Variants in RNF152 observed in about 807,000 individuals in gnomAD.
RNF152 encodes the protein E3 ubiquitin-protein ligase RNF152.
Under a neutral mutation model 12.7 loss-of-function variants are expected in RNF152, and 11 were observed. That is an observed-to-expected ratio of 0.86 (90% CI 0.54 to 1.43). The LOEUF (loss-of-function observed/expected upper bound fraction) is 1.43. RNF152 is among the 40% of genes most tolerant of loss of function. The pLI, the probability that RNF152 is intolerant of heterozygous loss-of-function variation, is 0.00. For missense variants in RNF152, 255 were observed against 274.8 expected, an observed-to-expected ratio of 0.93 and a Z score of 0.51; for synonymous variants, 113 against 120.3, an observed-to-expected ratio of 0.94 and a Z score of 0.40.
chr18:61,823,104 C>T lies in RNF152; in HGVS notation c.-135-6506G>A, dbSNP rs531808087. Among the ~76,000 whole-genome samples the T allele has an allele frequency of 8.5e-5, 13 of 152,338 alleles. No individual in the cohort carries two copies. The South Asian group carries it at 2.3e-3, about 27-fold the overall frequency. On this transcript the variant is annotated intron_variant, in intron 1 of 1. Transcript: ENST00000312828. ...GTAGCAAAGAGCAATCCTTCCAGGA[C>T]ACAACTGCTGCATACATGCGTAGTC...
At position 61,809,815 on chromosome 18, in the gene RNF152, G is replaced by A. The variant is rs532122629; in HGVS notation, c.*6037C>T. The A allele has an allele frequency of 2.7e-5, 4 of 148,260 alleles. No individual in the cohort carries two copies. The Admixed American group carries it at 2.7e-4, about 10-fold the overall frequency. The allele number at this position is 148,260 out of a possible 1,614,324, so 9.2% of individuals were successfully genotyped here. A position where few individuals can be genotyped will look rare whatever the true frequency, so the allele number is the denominator to read the frequency against. The stretch of plus-strand genomic sequence containing the variant: ...GTATTTCAAGCACCACTACATCATA[G>A]GTGAGATATATATAGTGGGATACCC... On this transcript the variant is annotated 3_prime_UTR_variant, in exon 2 of 2. Coordinates refer to ENST00000312828, the MANE Select transcript of RNF152 (RefSeq NM_173557.3).
intron 1 of RNF152, among the ~76,000 whole-genome samples, chr18:61,830,485 G>T (rs906689550): frequency 5.3e-5 from 8 of 152,150 alleles, no homozygotes; most frequent in African/African-American, 1.9e-4. Context: ...TACACTATTT[G>T]TCCTTCAACC....
chr18:61,853,480 T>A (rs965383249), intron 1 of RNF152, among the ~76,000 whole-genome samples: 3 of 152,014 alleles, frequency 2.0e-5, no homozygotes, highest in Admixed American at 1.3e-4. Context: ...TTAGTAGAGA[T>A]GGGGTTTCAC....
At chr18:61,860,405 T>C (rs148802224) in intron 1 of RNF152, among the ~76,000 whole-genome samples, 55 of 152,312 alleles carry the variant, frequency 3.6e-4, no homozygotes, top group African/African-American at 1.3e-3. Flanking sequence ...ACAGATCACA[T>C]AGAAGATGCT....
intron 1 of RNF152, among the ~76,000 whole-genome samples, chr18:61,875,482 T>C (rs1040295602): frequency 2.0e-5 from 3 of 152,154 alleles, no homozygotes; most frequent in Non-Finnish European, 4.4e-5. Context: ...GACCTATGCC[T>C]TTACATGGTC....
upstream of RNF152, chr18:61,893,819 G>A (rs910902351): frequency 6.6e-6 from 1 of 152,082 alleles, no homozygotes; most frequent in Admixed American, 6.5e-5. Flanking sequence ...AGCTCCAGGG[G>A]GCATCCGAGG....
intron 1 of RNF152, among the ~76,000 whole-genome samples, chr18:61,839,334 G>C (rs895700264): frequency 1.3e-5 from 2 of 152,260 alleles, no homozygotes; most frequent in South Asian, 2.1e-4. Context: ...AAAGTCCCTA[G>C]TCTTTCCTTG....
At chr18:61,859,701 A>C (rs528249210) in intron 1 of RNF152, among the ~76,000 whole-genome samples, 3 of 152,310 alleles carry the variant, frequency 2.0e-5, no homozygotes, top group East Asian at 3.9e-4. Context: ...CAACATGGCG[A>C]AATCCCATCT....
At chr18:61,878,722 C>T (rs530544278) in intron 1 of RNF152, among the ~76,000 whole-genome samples, 4 of 152,246 alleles carry the variant, frequency 2.6e-5, no homozygotes, top group South Asian at 2.1e-4. Flanking sequence ...ATTGTTGTGT[C>T]CTCACGTGGC....
intron 1 of RNF152, among the ~76,000 whole-genome samples, chr18:61,848,247 T>A (rs1910822626): frequency 6.6e-6 from 1 of 151,982 alleles, no homozygotes; most frequent in African/African-American, 2.4e-5. Flanking sequence ...TCTCTCCCTC[T>A]CCCTCTCTCT....
At chr18:61,855,711 C>A (rs999479940) in intron 1 of RNF152, among the ~76,000 whole-genome samples, 59 of 152,216 alleles carry the variant, frequency 3.9e-4, no homozygotes, top group Non-Finnish European at 7.9e-4. Flanking sequence ...CATCACTCCA[C>A]GTCTGGCTCG....
intron 1 of RNF152, among the ~76,000 whole-genome samples, chr18:61,847,544 C>G (rs1268567671): frequency 6.6e-6 from 1 of 152,234 alleles, no homozygotes; most frequent in Non-Finnish European, 1.5e-5. Context: ...TAGGCTTACT[C>G]TCAAAATCAC....
intron 1 of RNF152, among the ~76,000 whole-genome samples, chr18:61,846,731 G>T (rs1307541823): frequency 6.6e-6 from 1 of 152,178 alleles, no homozygotes; most frequent in Non-Finnish European, 1.5e-5. Context: ...ATTTAGGAAA[G>T]AAGCACCAGA....
rs185208592 is a variant in RNF152 at position 61,851,961 on chromosome 18, T to C, written c.-135-35363A>G. On this transcript the variant is annotated intron_variant, in intron 1 of 1. Transcript: ENST00000312828. Reference sequence around the variant, plus strand: ...AGTACCTTGTGGCTCATTAAAATAATTTTATCTATAATATCCTCCCTATGA... The same window carrying C: ...AGTACCTTGTGGCTCATTAAAATAACTTTATCTATAATATCCTCCCTATGA... Among the ~76,000 whole-genome samples the C allele has an allele frequency of 1.0e-3, 158 of 152,306 alleles. 1 individual carries two copies. Among genetic ancestry groups the C allele is most frequent in the African/African-American group, 3.5e-3 (146 of 41,564 alleles).
Position 61,830,296 on chromosome 18 carries a change from G to A in RNF152, c.-135-13698C>T, listed in dbSNP as rs538057459. ...CCACCTCGTCCTCCCAAAGTGCTGGGATTACAGGCATGAGCCACAGTGCCC... is the reference window on the plus strand; with the variant it reads ...CCACCTCGTCCTCCCAAAGTGCTGGAATTACAGGCATGAGCCACAGTGCCC... On this transcript the variant is annotated intron_variant, in intron 1 of 1. Transcript: ENST00000312828. Among the ~76,000 whole-genome samples, 114 of 152,186 alleles carry A rather than the reference G, an allele frequency of 7.5e-4. 1 individual carries two copies. Among genetic ancestry groups the A allele is most frequent in the African/African-American group, 2.5e-3 (102 of 41,532 alleles).
At chr18:61,824,659 C>T (rs555067338) in intron 1 of RNF152, among the ~76,000 whole-genome samples, 2 of 152,248 alleles carry the variant, frequency 1.3e-5, no homozygotes, top group South Asian at 4.1e-4. Context: ...AGTAGCCTTC[C>T]CAGATGAAGA....
rs183963495 is a variant in RNF152, at chr18:61,847,151, C to T, written c.-135-30553G>A. 2.6e-3 allele frequency among the ~76,000 whole-genome samples: 388 copies of T among 152,048 alleles called. 2 individuals are homozygous for T. The highest frequency in any genetic ancestry group is 0.012 in the South Asian group (57 of 4,810). Reference sequence around the variant, plus strand: ...AACTGTGACATTGCCACCAAGAAAACAGAACTTTCAGAAATAAATAAAAAG... The same window carrying T: ...AACTGTGACATTGCCACCAAGAAAATAGAACTTTCAGAAATAAATAAAAAG... On this transcript the variant is annotated intron_variant, in intron 1 of 1. Transcript: ENST00000312828.
intron 1 of RNF152, among the ~76,000 whole-genome samples, chr18:61,844,801 C>T (rs1220196739): frequency 6.6e-6 from 1 of 151,124 alleles, no homozygotes; most frequent in African/African-American, 2.4e-5. Context: ...AGGGAAGGTG[C>T]AAAATGCATT....
At chr18:61,843,733 T>A (rs545725032) in intron 1 of RNF152, among the ~76,000 whole-genome samples, 6 of 152,304 alleles carry the variant, frequency 3.9e-5, no homozygotes, top group African/African-American at 1.2e-4. Flanking sequence ...TCCACTTACA[T>A]GAGGTACTTA....
Sources: gnomAD v4.1 joint callset for allele counts (sites outside exome capture counted in the v4.1 genomes callset) on GRCh38, gnomAD v4.1.1 for gene constraint, MANE v1.5 for transcripts, NCBI Gene and HGNC (gene_info 2026-07-23, HGNC 2026-07-21) for gene names.